ADAP2: variants seen among roughly 807,000 people sequenced by gnomAD.
The protein encoded by ADAP2 is arf-GAP with dual PH domain-containing protein 2.
Under a neutral mutation model 54.9 loss-of-function variants are expected in ADAP2, and 42 were observed. The observed-to-expected ratio is 0.77, with a 90% CI of 0.60 to 0.99. The LOEUF is 0.99. Among genes scored for constraint, ADAP2 ranks in the 50% least tolerant of loss-of-function variants. ADAP2 has a pLI of 0.00. For synonymous variants in ADAP2, 177 were observed against 180.1 expected (o/e 0.98, Z 0.14); for missense variants, 429 against 480.4 (o/e 0.89, Z 1.00).
chr17:30,924,886 T>C (rs1775027962), intron 2 of ADAP2, among the ~76,000 whole-genome samples: 1 of 151,596 alleles, frequency 6.6e-6, no homozygotes, highest in South Asian at 2.1e-4. Context: ...TTTTTTTTTT[T>C]TTTGAGACGG....
At chr17:30,927,285 A>ACCAAGTGT (rs745948276) in intron 3 of ADAP2, among the ~76,000 whole-genome samples, 5 of 152,118 alleles carry the variant, frequency 3.3e-5, no homozygotes, top group Admixed American at 6.6e-5. Flanking sequence ...ATCTTACTAG[A>ACCAAGTGT]CCAAGTGTGT....
intron 9 of ADAP2, among the ~76,000 whole-genome samples, chr17:30,956,032 T>A (rs1420196089): frequency 6.6e-6 from 1 of 152,236 alleles, no homozygotes; most frequent in Non-Finnish European, 1.5e-5. Context: ...AGGCATGAAC[T>A]ACCAGGCCCA....
At position 30,956,218 on chromosome 17, in the gene ADAP2, G is replaced by T; in HGVS notation, c.883-23G>T. Reference sequence around the variant, plus strand: ...CTCTGCCCTGGGGGCACCCTCTGATGACCCTGTACTCTCCATTTTCAGGAT... The same window carrying T: ...CTCTGCCCTGGGGGCACCCTCTGATTACCCTGTACTCTCCATTTTCAGGAT... On this transcript the variant is annotated intron_variant, in intron 9 of 10. Coordinates refer to ENST00000330889, the MANE Select transcript of ADAP2 (RefSeq NM_018404.3). The T allele has an allele frequency of 1.9e-6, 3 of 1,611,610 alleles. No individual in the cohort carries two copies. In the South Asian group the frequency reaches 3.3e-5, roughly 18 times the overall value.
At chr17:30,955,621 C>T (rs186163087) in intron 9 of ADAP2, among the ~76,000 whole-genome samples, 3 of 151,022 alleles carry the variant, frequency 2.0e-5, no homozygotes, top group Non-Finnish European at 4.4e-5. Context: ...GCAGGAGAAT[C>T]GCTTGAAACC....
chr17:30,943,662 C>T (rs974762737), intron 5 of ADAP2, among the ~76,000 whole-genome samples: 5 of 151,582 alleles, frequency 3.3e-5, no homozygotes, highest in Non-Finnish European at 7.4e-5. Context: ...GCCTGACCAA[C>T]ATGGTCAAAC....
chr17:30,923,969 G>A (rs1910843157), intron 2 of ADAP2, among the ~76,000 whole-genome samples: 1 of 152,098 alleles, frequency 6.6e-6, no homozygotes, highest in Non-Finnish European at 1.5e-5. Context: ...CTCCCAAAGT[G>A]CTGGGATTAC....
intron 5 of ADAP2, among the ~76,000 whole-genome samples, chr17:30,939,779 A>G (rs1567720190): frequency 6.6e-6 from 1 of 152,040 alleles, no homozygotes; most frequent in Non-Finnish European, 1.5e-5. Context: ...TCCAAAAAAA[A>G]AAAAAAAAAA....
chr17:30,958,026 C>G lies in ADAP2; in HGVS notation c.*157C>G. The G allele has an allele frequency of 1.1e-5, 8 of 733,580 alleles. No individual in the cohort carries two copies. The South Asian group carries it at 1.3e-4, about 12-fold the overall frequency. The allele number at this position is 733,580 out of a possible 1,614,324, so 45.4% of individuals were successfully genotyped here. Reference sequence around the variant, plus strand: ...GGACTGAAGCTGTGGCTTTATCCATCAGCTCCCTGGGCCTTCCCCGCAACC... The same window carrying G: ...GGACTGAAGCTGTGGCTTTATCCATGAGCTCCCTGGGCCTTCCCCGCAACC... On this transcript the variant is annotated 3_prime_UTR_variant, in exon 11 of 11. Transcript: ENST00000330889.
intron 3 of ADAP2, among the ~76,000 whole-genome samples, chr17:30,930,449 T>A (rs906522583): frequency 1.3e-5 from 2 of 152,146 alleles, no homozygotes; most frequent in Admixed American, 1.3e-4. Flanking sequence ...AGGACAGTGG[T>A]GGAGCTGGCC....
intron 4 of ADAP2, among the ~76,000 whole-genome samples, chr17:30,932,323 C>A (rs1045501449): frequency 2.6e-5 from 4 of 151,230 alleles, no homozygotes; most frequent in African/African-American, 9.7e-5. Context: ...GCTTCAATCT[C>A]CCGGGCTCAC....
intron 3 of ADAP2, among the ~76,000 whole-genome samples, chr17:30,928,828 C>G (rs1056800408): frequency 1.3e-5 from 2 of 152,154 alleles, no homozygotes; most frequent in Non-Finnish European, 2.9e-5. Flanking sequence ...CCTGAGCCTA[C>G]GACTCCTTCC....
At position 30,957,955 on chromosome 17, in the gene ADAP2, T is replaced by A; in HGVS notation, c.*86T>A. On this transcript the variant is annotated 3_prime_UTR_variant, in exon 11 of 11. Coordinates refer to ENST00000330889, the MANE Select transcript of ADAP2 (RefSeq NM_018404.3). ...GCACCTCGGCCCTGGCTGCCCACCA[T>A]CAGTGCCCCGCAGTCAGCAGCCATT... is the stretch of plus-strand genomic sequence containing the variant. The A allele has an allele frequency of 7.8e-7, 1 of 1,287,678 alleles. No individual in the cohort carries two copies. Among genetic ancestry groups the A allele is most frequent in the Non-Finnish European group, 1.1e-6 (1 of 900,990 alleles). The allele number at this position is 1,287,678 out of a possible 1,614,324, so 79.8% of individuals were successfully genotyped here.
At position 30,945,028 on chromosome 17, in the gene ADAP2, T is replaced by C. The variant is rs1472459035; in HGVS notation, c.632T>C (p.Leu211Pro). The C allele has an allele frequency of 1.2e-6, 2 of 1,613,940 alleles. No homozygotes were observed. Among genetic ancestry groups the C allele is most frequent in the Admixed American group, 1.7e-5 (1 of 59,982 alleles). Residue 211 changes from leucine (L) to proline (P), a missense_variant, in exon 6 of 11, where the codon CTG becomes CCG. By Grantham distance (98) the Leu-to-Pro change is moderately conservative (BLOSUM62 -3). Transcript: ENST00000330889. The stretch of plus-strand genomic sequence containing the variant: ...AGGAGAGATGGCCACACCAGGAACC[T>C]GTTTGTGTATCATGAAAGTGGGAAG... ...TYRRDGHTRN[L>P]FVYHESGKEI...
intron 5 of ADAP2, among the ~76,000 whole-genome samples, chr17:30,936,654 C>T (rs971022581): frequency 2.0e-5 from 3 of 152,030 alleles, no homozygotes; most frequent in South Asian, 2.1e-4. Flanking sequence ...CGGTGGCTCA[C>T]GCCTGTAATC....
At chr17:30,954,688 A>T (rs1904931242) in intron 9 of ADAP2, 133 bp downstream of exon 9, 1 of 694,148 alleles carries the variant, frequency 1.4e-6, no homozygotes, top group African/African-American at 1.8e-5. Context: ...TGAGAGGAAA[A>T]CCTCTACCCC....
At chr17:30,940,524 C>G (rs912577647) in intron 5 of ADAP2, among the ~76,000 whole-genome samples, 1 of 151,982 alleles carries the variant, frequency 6.6e-6, no homozygotes, top group Non-Finnish European at 1.5e-5. Context: ...AGGCTGGTCT[C>G]GAACTCCTGA....
chr17:30,949,398 G>T, intron 7 of ADAP2, 28 bp downstream of exon 7: 1 of 1,594,874 alleles, frequency 6.3e-7, no homozygotes, highest in South Asian at 1.1e-5. Context: ...CCCAATTTCT[G>T]AATCTCCTCT....
intron 8 of ADAP2, 34 bp downstream of exon 8, chr17:30,953,384 G>A: frequency 6.3e-7 from 1 of 1,597,172 alleles, no homozygotes; most frequent in Non-Finnish European, 8.6e-7. Flanking sequence ...AACTTAATAT[G>A]GTTTAATGTA....
intron 3 of ADAP2, among the ~76,000 whole-genome samples, chr17:30,931,073 T>C (rs7224574): frequency 0.11 from 16,978 of 152,048 alleles, 2,843 homozygotes; most frequent in African/African-American, 0.37. Flanking sequence ...GACGACTGCT[T>C]TGTCCAGTGT....
Sources: allele counts gnomAD v4.1 joint callset (sites outside exome capture counted in the v4.1 genomes callset), GRCh38; gene constraint gnomAD v4.1.1; transcripts MANE v1.5; gene names NCBI Gene and HGNC (gene_info 2026-07-23, HGNC 2026-07-21).